The following CEP350 variants were observed in gnomAD, a reference collection of about 807,000 sequenced individuals.
CEP350 encodes the protein centrosomal protein 350.
CEP350 carries 126 observed loss-of-function variants against 331.8 expected under a neutral mutation model. That is an observed-to-expected ratio of 0.38 (90% CI 0.33 to 0.44). The LOEUF is 0.44. CEP350 is among the 20% of genes least tolerant of loss of function. The pLI, the probability that CEP350 is intolerant of heterozygous loss-of-function variation, is 1.00. For synonymous variants in CEP350, 1,200 were observed against 1,259.5 expected, an observed-to-expected ratio of 0.95 and a Z score of 1.00; for missense variants, 3,406 against 3,634.6, an observed-to-expected ratio of 0.94 and a Z score of 1.62.
intron 1 of CEP350, among the ~76,000 whole-genome samples, chr1:179,960,745 A>G (rs1220946321): frequency 6.6e-6 from 1 of 152,206 alleles, no homozygotes; most frequent in African/African-American, 2.4e-5. Flanking sequence ...TAGTAGGTAC[A>G]CACATCCTAT....
intron 13 of CEP350, among the ~76,000 whole-genome samples, chr1:180,023,073 T>G (rs1655436896): frequency 6.6e-6 from 1 of 152,186 alleles, no homozygotes; most frequent in African/African-American, 2.4e-5. Context: ...TTACTTAGCC[T>G]TCCTATGCTT....
intron 1 of CEP350, 34 bp downstream of exon 1, chr1:179,955,176 A>G: frequency 7.3e-7 from 1 of 1,361,764 alleles, no homozygotes. Flanking sequence ...GGGACCGCGG[A>G]GTCTCGCTCA....
intron 19 of CEP350, among the ~76,000 whole-genome samples, chr1:180,042,132 TCACACACACACACACACACACA>T (rs59048123): frequency 6.8e-6 from 1 of 146,774 alleles, no homozygotes; most frequent in South Asian, 2.2e-4. Flanking sequence ...GAGTTTTCTC[TCACACACACACACACACACACA>T]CACACACACA....
intron 27 of CEP350, among the ~76,000 whole-genome samples, chr1:180,065,914 A>G (rs977138944): frequency 1.3e-5 from 2 of 152,112 alleles, no homozygotes; most frequent in African/African-American, 4.8e-5. Flanking sequence ...AATTTGGGGA[A>G]GCAACTAATG....
At chr1:180,071,593 A>C (rs1558140485) in intron 27 of CEP350, among the ~76,000 whole-genome samples, 1 of 152,092 alleles carries the variant, frequency 6.6e-6, no homozygotes, top group Non-Finnish European at 1.5e-5. Flanking sequence ...CCTGGCCAAC[A>C]TGGTGAAACC....
chr1:179,995,052 A>T (rs749890622), intron 5 of CEP350, among the ~76,000 whole-genome samples: 1 of 152,216 alleles, frequency 6.6e-6, no homozygotes, highest in Non-Finnish European at 1.5e-5. Context: ...CACACAAAAA[A>T]GATATTTTAC....
intron 16 of CEP350, among the ~76,000 whole-genome samples, chr1:180,036,355 T>G (rs2148897410): frequency 6.6e-6 from 1 of 152,090 alleles, no homozygotes; most frequent in East Asian, 1.9e-4. Flanking sequence ...TTGAAAGAGG[T>G]TCTACAGAAA....
chr1:180,111,045 G>C lies in CEP350; in HGVS notation c.9238G>C (p.Asp3080His), dbSNP rs1470731975. The C allele has an allele frequency of 6.2e-7, 1 of 1,613,996 alleles. No individual in the cohort carries two copies. The highest frequency in any genetic ancestry group is 8.5e-7 in the Non-Finnish European group (1 of 1,179,882). ...GGCACAGTGGGTGAACTATGATGAGGATGAGTTGTGTGTGAAAATGCAGCT... is the reference window on the plus strand; with the variant it reads ...GGCACAGTGGGTGAACTATGATGAGCATGAGTTGTGTGTGAAAATGCAGCT... ...EEAQWVNYDEDELCVKMQLAD... is the reference protein window; with the variant it reads ...EEAQWVNYDEHELCVKMQLAD... The change falls in exon 38 of 38, where the codon GAT becomes CAT. Residue 3080 changes from aspartate to histidine, a missense_variant. Physicochemically the swap from Asp to His is moderately conservative, Grantham distance 81 (BLOSUM62 -1). This residue lies in a region of CEP350 where 29 missense variants were observed against 52.8 expected (regional missense o/e 0.55). Coordinates refer to ENST00000367607, the MANE Select transcript of CEP350 (RefSeq NM_014810.5).
At position 179,955,057 on chromosome 1, in the gene CEP350, G is replaced by A; in HGVS notation, c.-99G>A. On this transcript the variant is annotated 5_prime_UTR_variant, in exon 1 of 38. Coordinates refer to ENST00000367607, the MANE Select transcript of CEP350 (RefSeq NM_014810.5). Reference sequence around the variant, plus strand: ...GGGGAGGCCAGGCCGGGCAGCCCTGGGGCCGGTCGGGGCGGCGTCACTGCA... The same window carrying A: ...GGGGAGGCCAGGCCGGGCAGCCCTGAGGCCGGTCGGGGCGGCGTCACTGCA... The A allele has an allele frequency of 2.8e-6, 4 of 1,407,424 alleles. No individual in the cohort carries two copies. Among genetic ancestry groups the A allele is most frequent in the Non-Finnish European group, 3.7e-6 (4 of 1,081,684 alleles). 87.2% of individuals were successfully genotyped at this position (1,407,424 alleles called of 1,614,324 possible).
chr1:179,975,879 T>A (rs796961814), intron 1 of CEP350, among the ~76,000 whole-genome samples: 6 of 152,188 alleles, frequency 3.9e-5, no homozygotes, highest in African/African-American at 1.4e-4. Flanking sequence ...TGAGGTTGCC[T>A]GGGTAGAAGG....
intron 1 of CEP350, among the ~76,000 whole-genome samples, chr1:179,967,446 C>G (rs1428848130): frequency 6.6e-6 from 1 of 152,190 alleles, no homozygotes; most frequent in Admixed American, 6.5e-5. Context: ...GAGTCTCACT[C>G]TGTCGCCCAG....
chr1:180,090,770 C>A lies in CEP350; in HGVS notation c.6482C>A (p.Ser2161Tyr). The A allele has an allele frequency of 6.5e-7, 1 of 1,549,534 alleles. No homozygotes were observed. The highest frequency in any genetic ancestry group is 2.4e-5 in the East Asian group (1 of 41,258). Reference sequence around the variant, plus strand: ...ACAGAGTCAGAACGTTCCAGAGGATCCCTGGAGTCTATTGCTGAACATGTT... The same window carrying A: ...ACAGAGTCAGAACGTTCCAGAGGATACCTGGAGTCTATTGCTGAACATGTT... ...SLTESERSRG[S>Y]LESIAEHVDA... is the part of the protein sequence containing the mutation. The change falls in exon 33 of 38, where the codon TCC (serine) becomes TAC (tyrosine). Residue 2161 changes from serine (S) to tyrosine (Y), a missense_variant. Ser to Tyr is a moderately radical substitution (Grantham distance 144). Coordinates refer to ENST00000367607, the MANE Select transcript of CEP350 (RefSeq NM_014810.5).
At chr1:179,958,032 G>A (rs920694058) in intron 1 of CEP350, among the ~76,000 whole-genome samples, 2 of 152,028 alleles carry the variant, frequency 1.3e-5, no homozygotes, top group Non-Finnish European at 2.9e-5. Context: ...TTTCATAACT[G>A]GGAGAAGAAT....
chr1:180,011,461 G>A (rs1654651831), intron 8 of CEP350, among the ~76,000 whole-genome samples: 1 of 152,056 alleles, frequency 6.6e-6, no homozygotes, highest in African/African-American at 2.4e-5. Flanking sequence ...CTTTTTTTGA[G>A]ATGGAGTCTT....
intron 1 of CEP350, among the ~76,000 whole-genome samples, chr1:179,975,582 TAAAGAAAC>T (rs1558072805): frequency 1.3e-5 from 2 of 151,986 alleles, no homozygotes; most frequent in African/African-American, 4.8e-5. Flanking sequence ...TTACATATAA[TAAAGAAAC>T]AAAGGTATAA....
chr1:180,071,376 T>A (rs1478240130), intron 27 of CEP350, among the ~76,000 whole-genome samples: 1 of 150,704 alleles, frequency 6.6e-6, no homozygotes, highest in Admixed American at 6.6e-5. Context: ...GGAGAATCTC[T>A]TGAACCCGGG....
Position 179,954,884 on chromosome 1 carries a change from G to A in CEP350, c.-272G>A. 2.0e-6 allele frequency: 1 copy of A among 510,056 alleles called. No individual in the cohort carries two copies. The highest frequency in any genetic ancestry group is 3.2e-6 in the Non-Finnish European group (1 of 313,918). 31.6% of individuals were successfully genotyped at this position (510,056 alleles called of 1,614,324 possible). ...CGGGCCGGGGAGCGGGGCCAGACCT[G>A]CGCCAGAGAGAACTGCAGGGAGCCG... On this transcript the variant is annotated 5_prime_UTR_variant, in exon 1 of 38. Transcript: ENST00000367607.
At position 180,057,968 on chromosome 1, in the gene CEP350, A is replaced by AG. The variant is rs1657962944; in HGVS notation, c.5262+3467dup. On this transcript the variant is annotated intron_variant, in intron 25 of 37. Coordinates refer to ENST00000367607, the MANE Select transcript of CEP350 (RefSeq NM_014810.5). ...CTGCTTTGAGGAGAATGTGAGTTTG[A>AG]GATCTCCTGAGTCTCCTAGTTTTGT... 2.0e-5 allele frequency among the ~76,000 whole-genome samples: 3 copies of AG among 152,270 alleles called. No individual in the cohort carries two copies. In the South Asian group the frequency reaches 6.2e-4, roughly 32 times the overall value.
At chr1:179,984,375 G>C (rs1343552071) in intron 1 of CEP350, among the ~76,000 whole-genome samples, 3 of 152,238 alleles carry the variant, frequency 2.0e-5, no homozygotes, top group Non-Finnish European at 4.4e-5. Flanking sequence ...ATGTCAGGTA[G>C]AGCTGTAGTC....
Sources: allele counts gnomAD v4.1 joint callset (sites outside exome capture counted in the v4.1 genomes callset), GRCh38; gene constraint gnomAD v4.1.1; regional missense constraint gnomAD v4.1.1; transcripts MANE v1.5; gene names NCBI Gene and HGNC (gene_info 2026-07-23, HGNC 2026-07-21).